Variants in SFTPD observed in about 807,000 individuals in gnomAD.
SFTPD encodes the protein pulmonary surfactant-associated protein D.
A neutral mutation model predicts 34.6 loss-of-function variants in SFTPD; 18 were observed. The ratio of observed to expected loss-of-function variants is 0.52; its 90% confidence interval spans 0.36 to 0.77. SFTPD has a LOEUF of 0.77. Among genes scored for constraint, SFTPD ranks in the 30% least tolerant of loss-of-function variants. The pLI is 0.00. For missense variants in SFTPD, 433 were observed against 468.9 expected, an observed-to-expected ratio of 0.92 and a Z score of 0.71; for synonymous variants, 155 against 180.9, an observed-to-expected ratio of 0.86 and a Z score of 1.15.
intron 1 of SFTPD, among the ~76,000 whole-genome samples, chr10:79,980,044 A>G (rs1842882106): frequency 6.6e-6 from 1 of 152,208 alleles, no homozygotes; most frequent in African/African-American, 2.4e-5. Context: ...ACTGCCCTCA[A>G]GGAAAGAAGC....
chr10:79,972,910 A>C (rs1842843600), intron 1 of SFTPD: 1 of 152,178 alleles, frequency 6.6e-6, no homozygotes, highest in Non-Finnish European at 1.5e-5. Context: ...CATGACAAGG[A>C]GTTTTTATCC....
chr10:79,969,745 A>C (rs972865809), intron 1 of SFTPD: 19 of 152,086 alleles, frequency 1.2e-4, no homozygotes, highest in African/African-American at 3.9e-4. Flanking sequence ...AAATCAGCCT[A>C]TTGTTTTCTG....
chr10:79,940,239 C>A (rs1192444718), intron 7 of SFTPD, among the ~76,000 whole-genome samples: 4 of 152,178 alleles, frequency 2.6e-5, no homozygotes, highest in African/African-American at 9.7e-5. Flanking sequence ...GAAATGCAGC[C>A]CGTGTTGGGT....
At chr10:79,979,224 A>G (rs1479522175) in intron 1 of SFTPD, among the ~76,000 whole-genome samples, 2 of 152,190 alleles carry the variant, frequency 1.3e-5, no homozygotes, top group Non-Finnish European at 2.9e-5. Context: ...AAACAATAAA[A>G]CATTGATAAA....
intron 1 of SFTPD, among the ~76,000 whole-genome samples, chr10:79,964,293 C>T (rs572115982): frequency 2.1e-4 from 32 of 152,308 alleles, no homozygotes; most frequent in African/African-American, 7.5e-4. Flanking sequence ...AAAAACTCTT[C>T]TAAAGGTCGC....
chr10:79,976,841 G>C (rs1842866497), intron 1 of SFTPD, among the ~76,000 whole-genome samples: 1 of 152,200 alleles, frequency 6.6e-6, no homozygotes, highest in Non-Finnish European at 1.5e-5. Context: ...CATGTTGTGG[G>C]AGGGACCCAG....
At chr10:79,954,927 C>A (rs1417481914) in intron 1 of SFTPD, among the ~76,000 whole-genome samples, 1 of 152,180 alleles carries the variant, frequency 6.6e-6, no homozygotes, top group African/African-American at 2.4e-5. Context: ...TCTCAAGTAG[C>A]CATATGCTTC....
chr10:79,976,555 T>A (rs1564536517), intron 1 of SFTPD, among the ~76,000 whole-genome samples: 1 of 151,922 alleles, frequency 6.6e-6, no homozygotes, highest in Non-Finnish European at 1.5e-5. Context: ...AAGTCCAGGC[T>A]GGAAAAAAAG....
chr10:79,947,385 G>A (rs1842675939), intron 1 of SFTPD, among the ~76,000 whole-genome samples: 1 of 152,126 alleles, frequency 6.6e-6, no homozygotes, highest in African/African-American at 2.4e-5. Context: ...GACCTGAGAG[G>A]GTTTGGAAAA....
chr10:79,953,892 CCTGT>C (rs1265919841), upstream of SFTPD, among the ~76,000 whole-genome samples: 2 of 151,734 alleles, frequency 1.3e-5, no homozygotes, highest in African/African-American at 4.8e-5. Flanking sequence ...TTTCAAATGA[CCTGT>C]CTATGAATTT....
At position 79,978,886 on chromosome 10, in the gene SFTPD, T is replaced by TGAAA. The variant is rs376913506; in HGVS notation, c.36+3685_36+3688dup. 5.9e-3 allele frequency among the ~76,000 whole-genome samples: 897 copies of TGAAA among 151,200 alleles called. 5 individuals are homozygous for TGAAA. Among genetic ancestry groups the TGAAA allele is most frequent in the African/African-American group, 0.014 (561 of 41,188 alleles). ...TAAAAAGAAAGAAAAGGCACCCAAATGAAAGAAAGAAAGAAAGAAAGAAGT... is the reference window on the plus strand; with the variant it reads ...TAAAAAGAAAGAAAAGGCACCCAAATGAAAGAAAGAAAGAAAGAAAGAAAGAAGT... On this transcript the variant is annotated intron_variant, in intron 1 of 5. Coordinates refer to the SFTPD transcript ENST00000444384.
intron 1 of SFTPD, among the ~76,000 whole-genome samples, chr10:79,959,609 T>C (rs900682740): frequency 1.3e-5 from 2 of 152,170 alleles, no homozygotes; most frequent in African/African-American, 4.8e-5. Flanking sequence ...AAGTTGAATC[T>C]CTGAATAGAC....
intron 1 of SFTPD, among the ~76,000 whole-genome samples, chr10:79,947,698 A>G (rs930317189): frequency 2.6e-5 from 4 of 152,170 alleles, no homozygotes; most frequent in Admixed American, 2.6e-4. Flanking sequence ...TCAGAAAAAA[A>G]AAGAAGTCTT....
intron 2 of SFTPD, among the ~76,000 whole-genome samples, chr10:79,944,525 G>A (rs376289333): frequency 9.9e-5 from 15 of 152,088 alleles, no homozygotes; most frequent in East Asian, 1.9e-4. Context: ...GAGGCTGAGC[G>A]TGACCGGGGG....
chr10:79,952,639 C>T (rs546965856), upstream of SFTPD, among the ~76,000 whole-genome samples: 35 of 152,272 alleles, frequency 2.3e-4, no homozygotes, highest in East Asian at 9.7e-4. Context: ...GGGTCCCACC[C>T]GTCCCCTGTG....
rs202078508 is a variant in SFTPD, at chr10:79,938,106, G to A, written c.874C>T (p.Arg292Cys). ...TQAGGQLASP[R>C]SAAENAALQQ... ...AAGGCGGCATTCTCAGCGGCAGAGC[G>A]TGGAGAGGCCAACTGTCCACCAGCC... The change falls in exon 8 of 8, where the codon CGC becomes TGC. Residue 292 changes from arginine (R) to cysteine (C), a missense_variant. Physicochemically the swap from Arg to Cys is radical, Grantham distance 180. Transcript: ENST00000372292. 39 of 1,614,190 alleles carry A rather than the reference G, an allele frequency of 2.4e-5. 1 individual carries two copies. Among genetic ancestry groups the A allele is most frequent in the Admixed American group, 1.7e-4 (10 of 60,026 alleles).
intron 6 of SFTPD, 112 bp from the exon 7 acceptor site, chr10:79,940,900 A>C: frequency 3.0e-6 from 2 of 676,826 alleles, no homozygotes; most frequent in Non-Finnish European, 5.3e-6. Flanking sequence ...TGTGGGGCTG[A>C]CCCACAGCAA....
At chr10:79,954,199 G>A (rs2132509045) in intron 1 of SFTPD, among the ~76,000 whole-genome samples, 1 of 152,182 alleles carries the variant, frequency 6.6e-6, no homozygotes, top group African/African-American at 2.4e-5. Context: ...GGTTACTGGA[G>A]CTTTATTAGA....
chr10:79,938,185 G>A lies in SFTPD; in HGVS notation c.795C>T (p.Phe265=). The A allele has an allele frequency of 6.2e-7, 1 of 1,603,668 alleles. No homozygotes were observed. The highest frequency in any genetic ancestry group is 8.5e-7 in the Non-Finnish European group (1 of 1,171,230). ...PNGQSVGEKI[F]KTAGFVKPFT... is the part of the protein sequence containing the mutation. ...ATGGTTTTACAAAGCCTGCTGTCTT[G>A]AAAATCTTCTCCCCGACACTTTGGC... is the stretch of plus-strand genomic sequence containing the variant. The change falls in exon 8 of 8, where the codon TTC becomes TTT. Residue 265 remains phenylalanine (F), a synonymous_variant. Transcript: ENST00000372292.
Sources: gnomAD v4.1 joint callset for allele counts (sites outside exome capture counted in the v4.1 genomes callset) on GRCh38, gnomAD v4.1.1 for gene constraint, MANE v1.5 for transcripts, NCBI Gene and HGNC (gene_info 2026-07-23, HGNC 2026-07-21) for gene names.